The following WDR41 variants were observed in gnomAD, a reference collection of about 807,000 sequenced individuals.
WDR41 encodes WD repeat domain 41.
WDR41 carries 63 observed loss-of-function variants against 69.3 expected under a neutral mutation model. The observed-to-expected ratio is 0.91, with a 90% CI of 0.74 to 1.12. The LOEUF (loss-of-function observed/expected upper bound fraction) is 1.12. WDR41 is among the 50% of genes most tolerant of loss of function. The pLI, the probability that WDR41 is intolerant of heterozygous loss-of-function variation, is 0.00. For missense variants in WDR41, 543 were observed against 534.5 expected, an observed-to-expected ratio of 1.02 and a Z score of -0.16; for synonymous variants, 185 against 192.1, an observed-to-expected ratio of 0.96 and a Z score of 0.31.
intron 7 of WDR41, 92 bp downstream of exon 7, chr5:77,451,199 A>G (rs1799614363): frequency 8.3e-7 from 1 of 1,201,378 alleles, no homozygotes; most frequent in Non-Finnish European, 1.2e-6. Context: ...GGCACACGCA[A>G]TGTCCCTTAA....
intron 4 of WDR41, among the ~76,000 whole-genome samples, chr5:77,459,934 A>G (rs1023918635): frequency 1.3e-5 from 2 of 152,204 alleles, no homozygotes; most frequent in African/African-American, 4.8e-5. Context: ...TGCATTTAAC[A>G]CATCTATCAA....
intron 1 of WDR41, among the ~76,000 whole-genome samples, chr5:77,514,272 A>G (rs2112178646): frequency 6.6e-6 from 1 of 152,096 alleles, no homozygotes; most frequent in East Asian, 1.9e-4. Context: ...CGTGTTTTCC[A>G]GTTACAATAG....
intron 2 of WDR41, among the ~76,000 whole-genome samples, chr5:77,479,413 C>T (rs1465845364): frequency 6.6e-6 from 1 of 152,132 alleles, no homozygotes; most frequent in Non-Finnish European, 1.5e-5. Flanking sequence ...CACTACCTGA[C>T]TTCAAACTAT....
At chr5:77,575,034 A>C (rs560875256) in intron 1 of WDR41, among the ~76,000 whole-genome samples, 1 of 152,316 alleles carries the variant, frequency 6.6e-6, no homozygotes, top group East Asian at 1.9e-4. Context: ...AGAACAACCT[A>C]AAATGCATTC....
At chr5:77,448,964 C>G (rs2151302032) in intron 8 of WDR41, among the ~76,000 whole-genome samples, 1 of 152,272 alleles carries the variant, frequency 6.6e-6, no homozygotes, top group Non-Finnish European at 1.5e-5. Context: ...AGCCCTCCCA[C>G]TACATCATAC....
chr5:77,508,212 C>G (rs539317432), intron 1 of WDR41, among the ~76,000 whole-genome samples: 1 of 152,264 alleles, frequency 6.6e-6, no homozygotes, highest in South Asian at 2.1e-4. Context: ...GCCTCGACCA[C>G]CCAGGCTCAG....
intron 1 of WDR41, among the ~76,000 whole-genome samples, chr5:77,538,031 C>T (rs1743021258): frequency 6.7e-6 from 1 of 149,580 alleles, no homozygotes; most frequent in Non-Finnish European, 1.5e-5. Flanking sequence ...TTAGGGTATC[C>T]ACCACCCAAA....
At chr5:77,448,593 G>A (rs965374403) in intron 8 of WDR41, among the ~76,000 whole-genome samples, 1 of 152,046 alleles carries the variant, frequency 6.6e-6, no homozygotes, top group Non-Finnish European at 1.5e-5. Flanking sequence ...AAGCCGGCCG[G>A]GCTTGGTGGC....
intron 1 of WDR41, among the ~76,000 whole-genome samples, chr5:77,519,377 T>G (rs1802339690): frequency 6.6e-6 from 1 of 151,914 alleles, no homozygotes; most frequent in South Asian, 2.1e-4. Flanking sequence ...TATTTTTGTA[T>G]TCACTGTATT....
chr5:77,516,529 T>C (rs997863262), intron 1 of WDR41, among the ~76,000 whole-genome samples: 2 of 152,304 alleles, frequency 1.3e-5, no homozygotes, highest in East Asian at 1.9e-4. Context: ...TTCTCCCTTC[T>C]AGGGAGATAG....
At chr5:77,537,049 G>C (rs1743001301) in intron 1 of WDR41, among the ~76,000 whole-genome samples, 1 of 152,196 alleles carries the variant, frequency 6.6e-6, no homozygotes, top group Non-Finnish European at 1.5e-5. Context: ...AATTTGATAT[G>C]TGGTATTATG....
chr5:77,478,374 A>C (rs140099718), intron 2 of WDR41, among the ~76,000 whole-genome samples: 2,813 of 152,320 alleles, frequency 0.018, 45 homozygotes, highest in Non-Finnish European at 0.032. Context: ...CATAACCGAA[A>C]AAGAGAATTT....
At chr5:77,601,005 G>C (rs906387703) in intron 1 of WDR41, among the ~76,000 whole-genome samples, 1 of 151,546 alleles carries the variant, frequency 6.6e-6, no homozygotes, top group Non-Finnish European at 1.5e-5. Context: ...ATCTAAGTCA[G>C]AGTAAGTTCA....
intron 1 of WDR41, among the ~76,000 whole-genome samples, chr5:77,575,091 T>C (rs1049765931): frequency 6.6e-6 from 1 of 152,164 alleles, no homozygotes; most frequent in Non-Finnish European, 1.5e-5. Context: ...TACTGAGATA[T>C]AGGAATGATT....
chr5:77,586,240 A>G (rs1313822569), intron 1 of WDR41, among the ~76,000 whole-genome samples: 1 of 152,124 alleles, frequency 6.6e-6, no homozygotes, highest in African/African-American at 2.4e-5. Context: ...GGTAAATTGT[A>G]TAGTCTGTTA....
chr5:77,459,469 T>C (rs1406145815), intron 4 of WDR41, among the ~76,000 whole-genome samples: 2 of 152,160 alleles, frequency 1.3e-5, no homozygotes, highest in African/African-American at 4.8e-5. Flanking sequence ...CTAATAAGCA[T>C]AAAGTACTTA....
At chr5:77,546,029 A>G in intron 1 of WDR41, 1 of 539,856 alleles carries the variant, frequency 1.9e-6, no homozygotes, top group Non-Finnish European at 3.2e-6. Context: ...GAAGCTGCTG[A>G]TGATGGCTGG....
intron 1 of WDR41, among the ~76,000 whole-genome samples, chr5:77,584,809 T>C (rs950039139): frequency 3.3e-5 from 5 of 152,144 alleles, no homozygotes; most frequent in African/African-American, 1.2e-4. Flanking sequence ...TCTCACCTTA[T>C]ACAAAAATCA....
chr5:77,598,780 A>T (rs889468109), intron 1 of WDR41, among the ~76,000 whole-genome samples: 3 of 151,968 alleles, frequency 2.0e-5, no homozygotes, highest in African/African-American at 7.3e-5. Flanking sequence ...TTATGGTTCA[A>T]TGTTAACGCT....
Sources: allele counts gnomAD v4.1 joint callset (sites outside exome capture counted in the v4.1 genomes callset), GRCh38; gene constraint gnomAD v4.1.1; transcripts MANE v1.5; gene names NCBI Gene and HGNC (gene_info 2026-07-23, HGNC 2026-07-21).